The following PDE3B variants were observed in gnomAD, a reference collection of about 807,000 sequenced individuals.
The protein encoded by PDE3B is phosphodiesterase 3B, also known as cGMP-inhibited 3',5'-cyclic phosphodiesterase 3B.
Under a neutral mutation model 116.8 loss-of-function variants are expected in PDE3B, and 66 were observed. That is an observed-to-expected ratio of 0.56 (90% confidence interval 0.46 to 0.69). The LOEUF (loss-of-function observed/expected upper bound fraction) is 0.69, where lower values mean the gene tolerates loss of function less well. Among genes scored for constraint, PDE3B ranks in the 30% least tolerant of loss-of-function variants. PDE3B has a pLI of 0.00. For synonymous variants in PDE3B, 595 were observed against 533.6 expected (o/e 1.12, Z -1.59); for missense variants, 1,384 against 1,368.1 (o/e 1.01, Z -0.18).
chr11:14,886,021 C>A, the PDE3B span: 1 of 1,149,614 alleles, frequency 8.7e-7, no homozygotes, highest in Non-Finnish European at 1.3e-6. Flanking sequence ...GGATTTGTTA[C>A]GTCCCTGAAA....
chr11:14,663,936 T>C (rs1854029749), intron 1 of PDE3B, among the ~76,000 whole-genome samples: 1 of 151,976 alleles, frequency 6.6e-6, no homozygotes, highest in South Asian at 2.1e-4. Flanking sequence ...TCTACAGAAC[T>C]CTCCACCCCA....
chr11:14,730,937 A>G (rs751043123), intron 1 of PDE3B, among the ~76,000 whole-genome samples: 1 of 152,226 alleles, frequency 6.6e-6, no homozygotes, highest in Non-Finnish European at 1.5e-5. Context: ...TAAGTAGCTC[A>G]AGACTTTTAA....
At chr11:14,767,318 C>A (rs777156590) in intron 1 of PDE3B, among the ~76,000 whole-genome samples, 6 of 151,438 alleles carry the variant, frequency 4.0e-5, no homozygotes, top group Non-Finnish European at 8.9e-5. Context: ...AGAAAGAAAT[C>A]CAGCTTTTAG....
At chr11:14,701,129 A>G (rs573828034) in intron 1 of PDE3B, among the ~76,000 whole-genome samples, 1 of 151,796 alleles carries the variant, frequency 6.6e-6, no homozygotes, top group African/African-American at 2.4e-5. Flanking sequence ...ATGGAGCTTA[A>G]TCTTCCCCCA....
chr11:14,827,177 TAAG>T (rs1367544345), intron 7 of PDE3B, among the ~76,000 whole-genome samples: 1 of 152,074 alleles, frequency 6.6e-6, no homozygotes, highest in Non-Finnish European at 1.5e-5. Context: ...CTCAAAATAA[TAAG>T]AACCATCTAG....
chr11:14,782,861 T>C (rs1395324334), intron 2 of PDE3B, among the ~76,000 whole-genome samples: 2 of 152,096 alleles, frequency 1.3e-5, no homozygotes, highest in African/African-American at 2.4e-5. Flanking sequence ...ACTCTATCCA[T>C]CTGACAAAAG....
chr11:14,838,991 C>T lies in PDE3B; in HGVS notation c.2320+3896C>T, dbSNP rs543886709. 5.1e-3 allele frequency among the ~76,000 whole-genome samples: 777 copies of T among 152,310 alleles called. 9 individuals carry two copies. The highest frequency in any genetic ancestry group is 0.018 in the African/African-American group (749 of 41,556). On this transcript the variant is annotated intron_variant, in intron 11 of 15. Transcript: ENST00000282096. Reference sequence around the variant, plus strand: ...ATGGGGTGATCATATTCAATTTTATCACCCATCCCTAATTTTATCCCCAAG... The same window carrying T: ...ATGGGGTGATCATATTCAATTTTATTACCCATCCCTAATTTTATCCCCAAG...
the PDE3B span, among the ~76,000 whole-genome samples, chr11:14,882,972 A>C: frequency 6.6e-6 from 1 of 152,190 alleles, no homozygotes; most frequent in Non-Finnish European, 1.5e-5. Flanking sequence ...AATCCAACTT[A>C]CAAGGGATGT....
chr11:14,897,457 T>C, the PDE3B span, among the ~76,000 whole-genome samples: 6 of 152,152 alleles, frequency 3.9e-5, no homozygotes, highest in African/African-American at 1.4e-4. Context: ...TTTTTAATCA[T>C]TATGGAATAT....
intron 4 of PDE3B, among the ~76,000 whole-genome samples, chr11:14,801,709 T>C (rs1406218166): frequency 6.6e-6 from 1 of 152,166 alleles, no homozygotes; most frequent in East Asian, 1.9e-4. Context: ...GCAGGGATGG[T>C]TAAGTCTGCT....
the PDE3B span, chr11:14,892,161 G>T: frequency 1.2e-6 from 2 of 1,610,742 alleles, no homozygotes; most frequent in East Asian, 2.2e-5. Context: ...AGAGCGCGCC[G>T]CCGAGCGCCG....
At chr11:14,831,166 AAAAACAATG>A (rs1178479316) in intron 8 of PDE3B, among the ~76,000 whole-genome samples, 5 of 151,710 alleles carry the variant, frequency 3.3e-5, no homozygotes, top group African/African-American at 1.2e-4. Flanking sequence ...GCATGTTACT[AAAAACAATG>A]AAAACAATGT....
intron 1 of PDE3B, among the ~76,000 whole-genome samples, chr11:14,689,412 A>G (rs1337432083): frequency 1.3e-5 from 2 of 152,132 alleles, no homozygotes; most frequent in Non-Finnish European, 2.9e-5. Context: ...AAGGCCTAAT[A>G]TATGTCCTTT....
At chr11:14,668,550 A>G (rs770673245) in intron 1 of PDE3B, among the ~76,000 whole-genome samples, 4 of 152,160 alleles carry the variant, frequency 2.6e-5, no homozygotes, top group African/African-American at 7.2e-5. Flanking sequence ...GTTTGAAAAA[A>G]AATTTTAAGC....
At chr11:14,808,176 A>G (rs932746147) in intron 5 of PDE3B, among the ~76,000 whole-genome samples, 4 of 152,206 alleles carry the variant, frequency 2.6e-5, no homozygotes, top group Non-Finnish European at 5.9e-5. Context: ...TCAAAAACTT[A>G]AGAGAAAAAG....
At chr11:14,874,252 T>C (rs1028398295), downstream of PDE3B, among the ~76,000 whole-genome samples, 1 of 152,206 alleles carries the variant, frequency 6.6e-6, no homozygotes, top group African/African-American at 2.4e-5. Context: ...ACCATCCTTT[T>C]ATTTTTAACC....
At chr11:14,723,713 G>A (rs1017632978) in intron 1 of PDE3B, among the ~76,000 whole-genome samples, 17 of 151,780 alleles carry the variant, frequency 1.1e-4, no homozygotes, top group African/African-American at 4.1e-4. Context: ...AGTGAGCTAT[G>A]ATTGGGCCAC....
chr11:14,887,750 G>C, the PDE3B span: 10 of 430,208 alleles, frequency 2.3e-5, no homozygotes, highest in African/African-American at 1.7e-4. Context: ...TGAGGCCCAG[G>C]ACTTTGCAGT....
intron 1 of PDE3B, among the ~76,000 whole-genome samples, chr11:14,757,092 G>A (rs1033087357): frequency 7.9e-5 from 12 of 151,742 alleles, no homozygotes; most frequent in Non-Finnish European, 1.8e-4. Context: ...TGAGAATGAT[G>A]ATTTCCAGTA....
Sources: gnomAD v4.1 joint callset for allele counts (sites outside exome capture counted in the v4.1 genomes callset) on GRCh38, gnomAD v4.1.1 for gene constraint, MANE v1.5 for transcripts, NCBI Gene and HGNC (gene_info 2026-07-23, HGNC 2026-07-21) for gene names.